AP4S1: variants seen among roughly 807,000 people sequenced by gnomAD.
AP4S1 encodes AP-4 complex subunit sigma-1.
In AP4S1, 23 loss-of-function variants were observed where a neutral mutation model predicts 19.8. That is an observed-to-expected ratio of 1.16 (90% CI 0.84 to 1.65). The LOEUF is 1.65. Ranked by LOEUF, AP4S1 falls within the 40% of genes most tolerant of loss-of-function variation. The pLI is 0.00. For missense variants in AP4S1, 166 were observed against 172.8 expected (o/e 0.96, Z 0.22); for synonymous variants, 46 against 54.1 (o/e 0.85, Z 0.66).
At chr14:31,083,447 A>G (rs1380765375) in intron 5 of AP4S1, 12 of 449,292 alleles carry the variant, frequency 2.7e-5, no homozygotes, top group African/African-American at 2.5e-4. Context: ...GTCTAAAAGT[A>G]GAGCAGGCAG....
In AP4S1 at chr14:31,072,088, G is replaced by A. The variant is rs147790286; in HGVS notation, c.226-817G>A. 4.6e-4 allele frequency among the ~76,000 whole-genome samples: 70 copies of A among 151,652 alleles called. 1 individual carries two copies. In the East Asian group the frequency reaches 0.011, roughly 24 times the overall value. On this transcript the variant is annotated intron_variant, in intron 3 of 5. Transcript: ENST00000542754. ...CCCACGTAGCTGGGATTACAAGCATGTGCCACCATGCCCAGCTAATTTTTG... is the reference window on the plus strand; with the variant it reads ...CCCACGTAGCTGGGATTACAAGCATATGCCACCATGCCCAGCTAATTTTTG...
chr14:31,074,336 TAAA>T (rs1887228273), intron 4 of AP4S1, among the ~76,000 whole-genome samples: 4 of 110,854 alleles, frequency 3.6e-5, no homozygotes, highest in Non-Finnish European at 8.2e-5. Context: ...AATAAATAAA[TAAA>T]TAAATAAATA....
intron 1 of AP4S1, among the ~76,000 whole-genome samples, chr14:31,061,017 G>A (rs1178492687): frequency 6.6e-6 from 1 of 152,058 alleles, no homozygotes; most frequent in Non-Finnish European, 1.5e-5. Flanking sequence ...AGCCTCCTGA[G>A]TAGCTGGGAC....
intron 5 of AP4S1, among the ~76,000 whole-genome samples, chr14:31,084,558 GC>G (rs1484103715): frequency 6.6e-6 from 1 of 152,204 alleles, no homozygotes; most frequent in Non-Finnish European, 1.5e-5. Flanking sequence ...GGGGCGGGCT[GC>G]CCCCTTGGGA....
At chr14:31,047,461 C>A (rs1413383961) in intron 1 of AP4S1, among the ~76,000 whole-genome samples, 1 of 148,826 alleles carries the variant, frequency 6.7e-6, no homozygotes, top group Non-Finnish European at 1.5e-5. Context: ...GATCTTGACT[C>A]ACTGCAAGCT....
At chr14:31,077,403 G>C (rs1465648844) in intron 4 of AP4S1, among the ~76,000 whole-genome samples, 1 of 152,138 alleles carries the variant, frequency 6.6e-6, no homozygotes, top group Non-Finnish European at 1.5e-5. Flanking sequence ...AGGAAGTTAG[G>C]TCTTCAGCCC....
At chr14:31,075,811 C>T (rs1048452627) in intron 4 of AP4S1, among the ~76,000 whole-genome samples, 4 of 150,226 alleles carry the variant, frequency 2.7e-5, no homozygotes, top group African/African-American at 9.8e-5. Flanking sequence ...GTGCTCTCAG[C>T]TCACCACAAC....
chr14:31,062,841 C>T (rs1420625519), intron 1 of AP4S1, among the ~76,000 whole-genome samples: 1 of 151,988 alleles, frequency 6.6e-6, no homozygotes, highest in East Asian at 1.9e-4. Flanking sequence ...GTGGTGGGCA[C>T]CCGTAGTCCC....
At chr14:31,056,848 G>A (rs532087061) in intron 1 of AP4S1, among the ~76,000 whole-genome samples, 4 of 152,128 alleles carry the variant, frequency 2.6e-5, no homozygotes, top group African/African-American at 4.8e-5. Flanking sequence ...AAGCTGAGGC[G>A]TGTGAATCAC....
At chr14:31,067,641 C>T (rs1886796791) in intron 2 of AP4S1, among the ~76,000 whole-genome samples, 1 of 151,754 alleles carries the variant, frequency 6.6e-6, no homozygotes, top group African/African-American at 2.4e-5. Flanking sequence ...GCCTCAGCCT[C>T]CTGAGTAGCT....
In AP4S1 at chr14:31,063,858, C is replaced by T. The variant is rs868473609; in HGVS notation, c.-71-2268C>T. ...GAGATGCTAACAATGGCCATCTTTG[C>T]AACTTTACTATAAATCTAAAATTTC... On this transcript the variant is annotated intron_variant, in intron 1 of 5. Transcript: ENST00000542754. 1.1e-4 allele frequency among the ~76,000 whole-genome samples: 17 copies of T among 152,300 alleles called. 1 individual carries two copies. In the South Asian group the frequency reaches 3.5e-3, roughly 32 times the overall value.
At position 31,069,893 on chromosome 14, in the gene AP4S1, A is replaced by G; in HGVS notation, c.189A>G (p.Ala63=). ...KDFKLIYRQY[A]ALFIVVGVND... Reference sequence around the variant, plus strand: ...TTAAGCTGATATATCGGCAGTATGCAGCTCTCTTCATTGTGGTTGGAGTTA... The same window carrying G: ...TTAAGCTGATATATCGGCAGTATGCGGCTCTCTTCATTGTGGTTGGAGTTA... The change falls in exon 3 of 6, where the codon GCA becomes GCG. Residue 63 remains alanine, a synonymous_variant. Transcript: ENST00000542754. 1 of 1,613,794 alleles carries G rather than the reference A, an allele frequency of 6.2e-7. No homozygotes were observed. Among genetic ancestry groups the G allele is most frequent in the Non-Finnish European group, 8.5e-7 (1 of 1,179,666 alleles).
intron 1 of AP4S1, chr14:31,026,251 G>A (rs1378311417): frequency 1.3e-5 from 18 of 1,342,206 alleles, no homozygotes; most frequent in Admixed American, 4.1e-5. Context: ...GCCGGAGAGG[G>A]TGGCCCCGCG....
intron 1 of AP4S1, among the ~76,000 whole-genome samples, chr14:31,050,406 C>T (rs943755986): frequency 6.6e-6 from 1 of 152,084 alleles, no homozygotes; most frequent in Non-Finnish European, 1.5e-5. Context: ...GTTACCCCAT[C>T]TTCACTTTAA....
intron 1 of AP4S1, among the ~76,000 whole-genome samples, chr14:31,057,112 T>C (rs1886163921): frequency 6.6e-6 from 1 of 152,104 alleles, no homozygotes; most frequent in Non-Finnish European, 1.5e-5. Context: ...GAACATTTAA[T>C]GACACTGATA....
chr14:31,060,384 G>C (rs1886372757), intron 1 of AP4S1, among the ~76,000 whole-genome samples: 1 of 152,168 alleles, frequency 6.6e-6, no homozygotes, highest in Non-Finnish European at 1.5e-5. Flanking sequence ...TGACTGTAAT[G>C]AAAACAGCTC....
intron 1 of AP4S1, among the ~76,000 whole-genome samples, chr14:31,062,123 A>T (rs1349283199): frequency 1.3e-5 from 2 of 151,696 alleles, no homozygotes; most frequent in Non-Finnish European, 2.9e-5. Context: ...ACTGAGACAG[A>T]GTTTAGCTCT....
At chr14:31,052,483 G>A (rs375747244) in intron 1 of AP4S1, among the ~76,000 whole-genome samples, 26 of 152,116 alleles carry the variant, frequency 1.7e-4, no homozygotes, top group East Asian at 1.4e-3. Flanking sequence ...CCAGCACTTT[G>A]GAAGGCCAAG....
chr14:31,090,643 G>C (rs1888052271), intron 5 of AP4S1, among the ~76,000 whole-genome samples: 1 of 152,198 alleles, frequency 6.6e-6, no homozygotes, highest in African/African-American at 2.4e-5. Context: ...TGTCACCATT[G>C]CAGTGTGTTT....
Sources: gnomAD v4.1 joint callset for allele counts (sites outside exome capture counted in the v4.1 genomes callset) on GRCh38, gnomAD v4.1.1 for gene constraint, MANE v1.5 for transcripts, NCBI Gene and HGNC (gene_info 2026-07-23, HGNC 2026-07-21) for gene names.